MROH1: variants seen among roughly 807,000 people sequenced by gnomAD.
MROH1 encodes maestro heat like repeat family member 1.
Under a neutral mutation model 116.5 loss-of-function variants are expected in MROH1, and 117 were observed. That is an observed-to-expected ratio of 1.00 (90% confidence interval 0.86 to 1.17). MROH1 has a LOEUF of 1.17. Ranked by LOEUF, MROH1 falls within the 50% of genes most tolerant of loss-of-function variation. The probability of loss-of-function intolerance (pLI) is 0.00; values close to 1 mark genes in which losing one functional copy is unlikely to be tolerated. For synonymous variants in MROH1, 921 were observed against 583.9 expected (o/e 1.58, Z -8.32); for missense variants, 1,873 against 1,338.5 (o/e 1.40, Z -6.23).
intron 31 of MROH1, among the ~76,000 whole-genome samples, 176 bp from the exon 32 acceptor site, chr8:144,248,701 G>A (rs1842324534): frequency 6.6e-6 from 1 of 152,070 alleles, no homozygotes; most frequent in Non-Finnish European, 1.5e-5. Context: ...CGGAGAAGGA[G>A]ACCCCACCCC....
rs1845105699 is a variant in MROH1, at chr8:144,261,650, C to A, written c.4841-5C>A. On this transcript the variant is annotated splice_polypyrimidine_tract_variant and splice_region_variant and intron_variant, in intron 43 of 43. Transcript: ENST00000326134. ...CCGCAGGCAGCCCCCCTCCTCTACC[C>A]CCAGCGCTCCAGATCCTGCTGAAGG... The A allele has an allele frequency of 2.8e-6, 2 of 715,668 alleles. No homozygotes were observed. Among genetic ancestry groups the A allele is most frequent in the Non-Finnish European group, 5.1e-6 (2 of 393,220 alleles). The allele number at this position is 715,668 out of a possible 1,614,324, so 44.3% of individuals were successfully genotyped here.
intron 4 of MROH1, among the ~76,000 whole-genome samples, chr8:144,178,436 C>CTT (rs79996381): frequency 9.2e-6 from 1 of 109,090 alleles, no homozygotes; most frequent in African/African-American, 3.5e-5. Flanking sequence ...ACGGCCTGTA[C>CTT]TTTTTTTTTT....
In MROH1 at chr8:144,168,338, C is replaced by T. The variant is rs1196200071; in HGVS notation, c.66C>T (p.Pro22=). The change falls in exon 4 of 44, where the codon CCC becomes CCT. Residue 22 remains proline (P), a synonymous_variant. Coordinates refer to ENST00000326134, the MANE Select transcript of MROH1 (RefSeq NM_032450.3). ...TGGACGCCATCACCGATAAGGACCC[C>T]CTGGTGCAGGAGCAGGTCTGCAGTG... ...TLLDAITDKD[P]LVQEQVCSAL... is the part of the protein sequence containing the mutation. 1.2e-6 allele frequency: 2 copies of T among 1,610,244 alleles called. No individual in the cohort carries two copies. Among genetic ancestry groups the T allele is most frequent in the South Asian group, 1.1e-5 (1 of 91,022 alleles).
At chr8:144,258,386 G>A (rs1048363174) in intron 35 of MROH1, among the ~76,000 whole-genome samples, 5 of 152,360 alleles carry the variant, frequency 3.3e-5, no homozygotes, top group Admixed American at 6.5e-5. Flanking sequence ...TGGGGTACAG[G>A]TGTGAGAACC....
chr8:144,192,700 GA>G, intron 10 of MROH1: 2 of 560,608 alleles, frequency 3.6e-6, no homozygotes, highest in Non-Finnish European at 6.6e-6. Context: ...CAGCGCAGCT[GA>G]AGTGCCAGCT....
At chr8:144,179,861 G>A (rs552917123) in intron 5 of MROH1, among the ~76,000 whole-genome samples, 55 of 152,288 alleles carry the variant, frequency 3.6e-4, no homozygotes, top group African/African-American at 1.2e-3. Context: ...GGCTGTGCCC[G>A]GCATTGGGGT....
In MROH1 at chr8:144,254,861, T is replaced by C. The variant is rs1454986403; in HGVS notation, c.3477T>C (p.Ala1159=). Residue 1159 remains alanine, a synonymous_variant, in exon 34 of 44, where the codon GCT becomes GCC. Transcript: ENST00000326134. The part of the protein sequence containing the change: ...WRALAVEPRL[A]AQVLGLLLEK... The stretch of plus-strand genomic sequence containing the variant: ...CGCTGGCGGTGGAGCCTCGCCTAGC[T>C]GCCCAGGTCCTGGGGCTGCTGCTGG... 18 of 777,846 alleles carry C rather than the reference T, an allele frequency of 2.3e-5. No individual in the cohort carries two copies. Among genetic ancestry groups the C allele is most frequent in the Non-Finnish European group, 4.3e-5 (18 of 417,576 alleles). The allele number at this position is 777,846 out of a possible 1,614,324, so 48.2% of individuals were successfully genotyped here. A position where few individuals can be genotyped will look rare whatever the true frequency, so the allele number is the denominator to read the frequency against.
chr8:144,198,046 T>A (rs1830324198), intron 10 of MROH1, among the ~76,000 whole-genome samples: 2 of 98,650 alleles, frequency 2.0e-5, no homozygotes, highest in Admixed American at 9.8e-5. Context: ...CAAAACTGTT[T>A]CAAAAAAAAA....
intron 14 of MROH1, among the ~76,000 whole-genome samples, chr8:144,227,402 G>C (rs771595912): frequency 1.5e-4 from 22 of 151,240 alleles, no homozygotes; most frequent in Admixed American, 2.6e-4. Flanking sequence ...TTGGGAGGCT[G>C]AGGCGGGCAG....
intron 35 of MROH1, among the ~76,000 whole-genome samples, chr8:144,256,075 G>A (rs1843706289): frequency 6.6e-6 from 1 of 152,164 alleles, no homozygotes; most frequent in Non-Finnish European, 1.5e-5. Context: ...ACCATGGCAG[G>A]ACCAGCTTTG....
intron 12 of MROH1, among the ~76,000 whole-genome samples, chr8:144,214,943 C>T (rs1266373342): frequency 6.6e-6 from 1 of 152,158 alleles, no homozygotes; most frequent in Non-Finnish European, 1.5e-5. Context: ...AGGAAGCATC[C>T]AGCACGGGAG....
intron 1 of MROH1, among the ~76,000 whole-genome samples, chr8:144,153,716 G>T (rs1817385883): frequency 6.6e-6 from 1 of 152,076 alleles, no homozygotes; most frequent in African/African-American, 2.4e-5. Context: ...ATTTCCTCTG[G>T]ATGCGTACTC....
At chr8:144,259,443 G>C in intron 37 of MROH1, 89 bp downstream of exon 37, 1 of 706,890 alleles carries the variant, frequency 1.4e-6, no homozygotes, top group Non-Finnish European at 2.6e-6. Context: ...CCCCTAAAAG[G>C]CCCCCTCGAC....
At chr8:144,256,342 G>A (rs991788491) in intron 35 of MROH1, among the ~76,000 whole-genome samples, 22 of 149,466 alleles carry the variant, frequency 1.5e-4, no homozygotes, top group African/African-American at 5.6e-4. Flanking sequence ...CAGGCGCCCA[G>A]GTTTGGGTGT....
intron 2 of MROH1, among the ~76,000 whole-genome samples, chr8:144,162,376 T>C (rs1047768752): frequency 3.3e-5 from 5 of 151,738 alleles, no homozygotes; most frequent in Non-Finnish European, 5.9e-5. Flanking sequence ...TATGAGCCAC[T>C]GCGCCCGGCC....
At chr8:144,155,913 C>A (rs201468796) in intron 1 of MROH1, among the ~76,000 whole-genome samples, 1 of 151,542 alleles carries the variant, frequency 6.6e-6, no homozygotes, top group Non-Finnish European at 1.5e-5. Context: ...GATTACAGGC[C>A]TGAGCCACTG....
chr8:144,229,409 G>T lies in MROH1; in HGVS notation c.1338+6179G>T, dbSNP rs1838414035. 2.7e-5 allele frequency among the ~76,000 whole-genome samples: 4 copies of T among 146,978 alleles called. No homozygotes were observed. In the South Asian group the frequency reaches 8.7e-4, roughly 32 times the overall value. On this transcript the variant is annotated intron_variant, in intron 14 of 43. Coordinates refer to ENST00000326134, the MANE Select transcript of MROH1 (RefSeq NM_032450.3). ...TTTTTTTTTTTTTTTTTTGGAATAGGGTCTCACTCTGTGACCCAGGCTGGA... is the reference window on the plus strand; with the variant it reads ...TTTTTTTTTTTTTTTTTTGGAATAGTGTCTCACTCTGTGACCCAGGCTGGA...
At chr8:144,216,841 C>T (rs1224597023) in intron 12 of MROH1, among the ~76,000 whole-genome samples, 3 of 152,024 alleles carry the variant, frequency 2.0e-5, no homozygotes, top group Middle Eastern at 3.2e-3. Flanking sequence ...AGGCACCTGC[C>T]ACCACATCCG....
At position 144,260,047 on chromosome 8, in the gene MROH1, G is replaced by C; in HGVS notation, c.4181G>C (p.Cys1394Ser). The change falls in exon 38 of 44, where the codon TGC becomes TCC. Residue 1394 changes from cysteine (C) to serine (S), a missense_variant. Cys to Ser is a moderately radical substitution (Grantham distance 112). Coordinates refer to ENST00000326134, the MANE Select transcript of MROH1 (RefSeq NM_032450.3). Reference sequence around the variant, plus strand: ...GGCCTGGCCAACCTGGCCTCCGGCTGCCCTGACAAGGTGGGGTGGCCACCA... The same window carrying C: ...GGCCTGGCCAACCTGGCCTCCGGCTCCCCTGACAAGGTGGGGTGGCCACCA... ...LRGLANLASG[C>S]PDKVRTHGPQ... The C allele has an allele frequency of 1.4e-6, 1 of 725,406 alleles. No homozygotes were observed. The highest frequency in any genetic ancestry group is 2.5e-6 in the Non-Finnish European group (1 of 398,304). 44.9% of individuals were successfully genotyped at this position (725,406 alleles called of 1,614,324 possible). A position where few individuals can be genotyped will look rare whatever the true frequency, so the allele number is the denominator to read the frequency against.
Sources: gnomAD v4.1 joint callset for allele counts (sites outside exome capture counted in the v4.1 genomes callset) on GRCh38, gnomAD v4.1.1 for gene constraint, MANE v1.5 for transcripts, NCBI Gene and HGNC (gene_info 2026-07-23, HGNC 2026-07-21) for gene names.